The following ANKRD24 variants were observed in gnomAD, a reference collection of about 807,000 sequenced individuals.
The protein encoded by ANKRD24 is ankyrin repeat domain-containing protein 24.
ANKRD24 carries 109 observed loss-of-function variants against 127.8 expected under a neutral mutation model. The observed-to-expected ratio is 0.85, with a 90% CI of 0.73 to 1.00. ANKRD24 has a LOEUF of 1.00. ANKRD24 is among the 50% of genes least tolerant of loss of function. ANKRD24 has a pLI of 0.00. For synonymous variants in ANKRD24, 743 were observed against 671.1 expected, an observed-to-expected ratio of 1.11 and a Z score of -1.66; for missense variants, 1,648 against 1,570.2, an observed-to-expected ratio of 1.05 and a Z score of -0.84.
At chr19:4,218,734 C>G (rs1191961933) in intron 18 of ANKRD24, among the ~76,000 whole-genome samples, 1 of 148,938 alleles carries the variant, frequency 6.7e-6, no homozygotes, top group Non-Finnish European at 1.5e-5. Context: ...TCCCTCCCCC[C>G]TTCCCCTTCC....
chr19:4,189,272 G>A (rs1324178102), intron 2 of ANKRD24, among the ~76,000 whole-genome samples: 4 of 104,058 alleles, frequency 3.8e-5, no homozygotes, highest in African/African-American at 1.5e-4. Context: ...TTTTGAAGGA[G>A]TCTCACTCTG....
At position 4,210,045 on chromosome 19, in the gene ANKRD24, C is replaced by G. The variant is rs1057316691; in HGVS notation, c.871-13C>G. ...GATCGGCCCCCTTCACTCTCTCTCC[C>G]CTCCCTTCCCAGAACTCTATGTCCA... On this transcript the variant is annotated splice_polypyrimidine_tract_variant and intron_variant, in intron 11 of 21. Coordinates refer to ENST00000318934, the MANE Select transcript of ANKRD24 (RefSeq NM_001393985.1). 6.3e-7 allele frequency: 1 copy of G among 1,597,026 alleles called. No homozygotes were observed. The highest frequency in any genetic ancestry group is 1.1e-5 in the South Asian group (1 of 89,124).
Position 4,217,650 on chromosome 19 carries a change from G to T in ANKRD24, c.2490G>T (p.Arg830=). ...ASRLLAEEEA[R]GLRAELAQRE... is the part of the protein sequence containing the mutation. Reference sequence around the variant, plus strand: ...GGCTGCTGGCGGAGGAGGAGGCGCGGGGCCTGCGGGCCGAGCTGGCCCAGC... The same window carrying T: ...GGCTGCTGGCGGAGGAGGAGGCGCGTGGCCTGCGGGCCGAGCTGGCCCAGC... Residue 830 remains arginine (R), a synonymous_variant, in exon 18 of 22, where the codon CGG becomes CGT. Coordinates refer to ENST00000318934, the MANE Select transcript of ANKRD24 (RefSeq NM_001393985.1). The T allele has an allele frequency of 7.8e-7, 1 of 1,284,890 alleles. No homozygotes were observed. The allele number at this position is 1,284,890 out of a possible 1,614,324, so 79.6% of individuals were successfully genotyped here.
rs1201785921 is a variant in ANKRD24, at chr19:4,199,901, G to A, written c.150G>A (p.Glu50=). The part of the protein sequence containing the change: ...RQSQDWGKSD[E]RLLQAVENND... The stretch of plus-strand genomic sequence containing the variant: ...GTCAAGACTGGGGCAAGAGTGACGA[G>A]AGGCTGCTACAAGCCGTGGAAAACA... The change falls in exon 4 of 22, where the codon GAG becomes GAA. Residue 50 remains glutamate (E), a synonymous_variant. Transcript: ENST00000318934. The surrounding 1 kb of genome is among the most constrained non-coding windows in gnomAD (Gnocchi z 5.2). The A allele has an allele frequency of 6.4e-7, 1 of 1,570,858 alleles. No homozygotes were observed. The highest frequency in any genetic ancestry group is 2.4e-5 in the East Asian group (1 of 42,024).
chr19:4,198,175 G>GC lies in ANKRD24; in HGVS notation c.37-1503dup. Reference sequence around the variant, plus strand: ...CGGCCTGCGCTGGTGAGGGAGCCGGGCCCCCGGCGCCGCGTCCTCCTCATC... The same window carrying GC: ...CGGCCTGCGCTGGTGAGGGAGCCGGGCCCCCCGGCGCCGCGTCCTCCTCATC... On this transcript the variant is annotated intron_variant, in intron 2 of 21. Transcript: ENST00000318934. The surrounding 1 kb of genome is among the most constrained non-coding windows in gnomAD (Gnocchi z 6.1). 1.8e-6 allele frequency: 1 copy of GC among 567,588 alleles called. No homozygotes were observed. Among genetic ancestry groups the GC allele is most frequent in the African/African-American group, 2.0e-5 (1 of 50,600 alleles). The allele number at this position is 567,588 out of a possible 1,614,324, so 35.2% of individuals were successfully genotyped here.
chr19:4,194,571 T>C (rs760746920), intron 2 of ANKRD24, among the ~76,000 whole-genome samples: 2 of 152,152 alleles, frequency 1.3e-5, no homozygotes. Context: ...AAACAGGCAG[T>C]GGGCAGGATC....
intron 2 of ANKRD24, among the ~76,000 whole-genome samples, chr19:4,189,243 CTTTTTTT>C (rs398033749): frequency 3.9e-4 from 29 of 73,940 alleles, no homozygotes; most frequent in African/African-American, 6.4e-4. Flanking sequence ...TTTCTTTCTT[CTTTTTTT>C]TTTTTTTTTT....
Position 4,207,518 on chromosome 19 carries a change from CATT to C in ANKRD24, c.558_560del (p.Ile187del). ...CCTACCAGTCAGGCGCAACACCCCT[CATT>C]ATAGCAGCTCAGATGTGTCACACAG... On this transcript the variant is annotated inframe_deletion, in exon 9 of 22. Coordinates refer to ENST00000318934, the MANE Select transcript of ANKRD24 (RefSeq NM_001393985.1). 1 of 1,613,964 alleles carries C rather than the reference CATT, an allele frequency of 6.2e-7. No homozygotes were observed. The highest frequency in any genetic ancestry group is 8.5e-7 in the Non-Finnish European group (1 of 1,179,870).
Position 4,212,499 on chromosome 19 carries a change from A to T in ANKRD24, c.1084A>T (p.Ile362Phe). Residue 362 changes from isoleucine (I) to phenylalanine (F), a missense_variant, in exon 14 of 22, where the codon ATC becomes TTC. By Grantham distance (21) the Ile-to-Phe change is conservative. Coordinates refer to ENST00000318934, the MANE Select transcript of ANKRD24 (RefSeq NM_001393985.1). ...GTCCCCGGAGGCCAGCTCCCTGCAC[A>T]TCCTGGAGAGACAGGTAGGTGGGAA... Reference protein sequence around the residue: ...QESPEASSLHILERQVQELQQ... With the variant: ...QESPEASSLHFLERQVQELQQ... 1 of 1,569,052 alleles carries T rather than the reference A, an allele frequency of 6.4e-7. No homozygotes were observed. Among genetic ancestry groups the T allele is most frequent in the Non-Finnish European group, 8.6e-7 (1 of 1,158,722 alleles).
Position 4,207,059 on chromosome 19 carries a change from A to T in ANKRD24, c.467-183A>T, listed in dbSNP as rs1388424472. 10 of 598,328 alleles carry T rather than the reference A, an allele frequency of 1.7e-5. No individual in the cohort carries two copies. In the East Asian group the frequency reaches 2.8e-4, roughly 17 times the overall value. The allele number at this position is 598,328 out of a possible 1,614,324, so 37.1% of individuals were successfully genotyped here. A position where few individuals can be genotyped will look rare whatever the true frequency, so the allele number is the denominator to read the frequency against. On this transcript the variant is annotated intron_variant, in intron 7 of 21. Transcript: ENST00000318934. ...CCCTAGTAGCTGGGGCCACAGACAC[A>T]CACCACCACACCCAGATAATGTTTG...
intron 2 of ANKRD24, among the ~76,000 whole-genome samples, chr19:4,193,886 A>AGGAAGGAAGGAC: frequency 6.7e-6 from 1 of 150,136 alleles, no homozygotes; most frequent in African/African-American, 2.5e-5. Context: ...GAAGGAAGGA[A>AGGAAGGAAGGAC]GGAAGGAAAA....
At chr19:4,188,378 A>ATTTTT (rs34131628) in intron 2 of ANKRD24, among the ~76,000 whole-genome samples, 13 of 83,602 alleles carry the variant, frequency 1.6e-4, no homozygotes, top group African/African-American at 4.7e-4. Flanking sequence ...CGCTTGGTCC[A>ATTTTT]TTTTTTTTTT....
At chr19:4,212,438 C>T (rs1969792425) in intron 13 of ANKRD24, 37 bp from the exon 14 acceptor site, 2 of 1,569,834 alleles carry the variant, frequency 1.3e-6, no homozygotes, top group Non-Finnish European at 1.7e-6. Flanking sequence ...AGGCCTCTTG[C>T]CCAGATCCAA....
At chr19:4,184,129 G>A (rs910982848) in intron 1 of ANKRD24, among the ~76,000 whole-genome samples, 9 of 152,182 alleles carry the variant, frequency 5.9e-5, no homozygotes, top group Non-Finnish European at 8.8e-5. Context: ...CAGGCAGTCC[G>A]CTGCCAGCCT....
In ANKRD24 at chr19:4,218,172, G is replaced by A; in HGVS notation, c.3003+9G>A. On this transcript the variant is annotated intron_variant, in intron 18 of 21. Transcript: ENST00000318934. Reference sequence around the variant, plus strand: ...GCGCAGAGGTCTTCCAGGTGAGCAGGGCTGGTCACCACCCGGGCCCCACCC... The same window carrying A: ...GCGCAGAGGTCTTCCAGGTGAGCAGAGCTGGTCACCACCCGGGCCCCACCC... 1 of 1,464,120 alleles carries A rather than the reference G, an allele frequency of 6.8e-7. No homozygotes were observed. Among genetic ancestry groups the A allele is most frequent in the East Asian group, 2.8e-5 (1 of 35,514 alleles). The allele number at this position is 1,464,120 out of a possible 1,614,324, so 90.7% of individuals were successfully genotyped here. A position where few individuals can be genotyped will look rare whatever the true frequency, so the allele number is the denominator to read the frequency against.
At chr19:4,222,588 G>C in intron 19 of ANKRD24, 82 bp from the exon 20 acceptor site, 1 of 1,432,544 alleles carries the variant, frequency 7.0e-7, no homozygotes. Flanking sequence ...CTTTATCCCT[G>C]GCCTCTTCCT....
chr19:4,222,770 TG>T lies in ANKRD24; in HGVS notation c.3273del (p.Lys1092ArgfsTer65). The T allele has an allele frequency of 6.2e-7, 1 of 1,610,352 alleles. No individual in the cohort carries two copies. Among genetic ancestry groups the T allele is most frequent in the Non-Finnish European group, 8.5e-7 (1 of 1,177,670 alleles). On this transcript the variant is annotated frameshift_variant, in exon 20 of 22. Coordinates refer to ENST00000318934, the MANE Select transcript of ANKRD24 (RefSeq NM_001393985.1). LOFTEE classifies it high-confidence loss of function. ...TPEVEALRDQ[V>X]KDLQQQLQEA... ...GAGGTGGAGGCTCTCCGTGACCAGG[TG>T]AAGGATTTACAGCAGCAGCTGCAGG...
intron 2 of ANKRD24, among the ~76,000 whole-genome samples, chr19:4,189,654 C>T (rs1390634289): frequency 1.3e-5 from 2 of 152,138 alleles, no homozygotes; most frequent in East Asian, 1.9e-4. Context: ...GTAGCTGGGA[C>T]TACAGATGTG....
chr19:4,193,891 G>A (rs1463306000), intron 2 of ANKRD24, among the ~76,000 whole-genome samples: 2 of 147,798 alleles, frequency 1.4e-5, no homozygotes, highest in East Asian at 2.1e-4. Flanking sequence ...AAGGAAGGAA[G>A]GAAAAACTCC....
Sources: gnomAD v4.1 joint callset for allele counts (sites outside exome capture counted in the v4.1 genomes callset) on GRCh38, gnomAD v4.1.1 for gene constraint, Gnocchi (gnomAD v3.1) non-coding constraint, MANE v1.5 for transcripts, NCBI Gene and HGNC (gene_info 2026-07-23, HGNC 2026-07-21) for gene names.